Variants in SNX10 observed in about 807,000 individuals in gnomAD.
SNX10 encodes sorting nexin-10.
Under a neutral mutation model 28.5 loss-of-function variants are expected in SNX10, and 25 were observed. That is an observed-to-expected ratio of 0.88 (90% CI 0.64 to 1.22). SNX10 has a LOEUF of 1.22. Ranked by LOEUF, SNX10 falls within the 50% of genes most tolerant of loss-of-function variation. The pLI, the probability that SNX10 is intolerant of heterozygous loss-of-function variation, is 0.00. For synonymous variants in SNX10, 62 were observed against 81.4 expected, an observed-to-expected ratio of 0.76 and a Z score of 1.28; for missense variants, 223 against 242.6, an observed-to-expected ratio of 0.92 and a Z score of 0.54.
At chr7:26,371,793 A>G (rs762146080) in intron 5 of SNX10, 28 bp from the exon 6 acceptor site, 1 of 1,517,258 alleles carries the variant, frequency 6.6e-7, no homozygotes, top group South Asian at 1.2e-5. Context: ...CTGTTCACCA[A>G]TTATTTTTCC....
At chr7:26,301,605 G>A (rs1445425087) in intron 1 of SNX10, among the ~76,000 whole-genome samples, 1 of 152,126 alleles carries the variant, frequency 6.6e-6, no homozygotes, top group Non-Finnish European at 1.5e-5. Flanking sequence ...GGAACATTTT[G>A]TGTTTATTTG....
At chr7:26,300,741 C>T (rs999736517) in intron 1 of SNX10, among the ~76,000 whole-genome samples, 10 of 152,046 alleles carry the variant, frequency 6.6e-5, no homozygotes, top group South Asian at 2.1e-4. Flanking sequence ...AGAATTAGGC[C>T]GAGCACCGTG....
Position 26,308,711 on chromosome 7 carries a change from C to G in SNX10, c.-24+16625C>G, listed in dbSNP as rs561472427. Reference sequence around the variant, plus strand: ...GCCGCTCTAGCAAATTAATCAAACCCAAGGAGGAGGTCATGGGATCCCCAG... The same window carrying G: ...GCCGCTCTAGCAAATTAATCAAACCGAAGGAGGAGGTCATGGGATCCCCAG... On this transcript the variant is annotated intron_variant, in intron 1 of 6. Transcript: ENST00000338523. Among the ~76,000 whole-genome samples the G allele has an allele frequency of 5.3e-5, 8 of 152,202 alleles. No homozygotes were observed. The East Asian group carries it at 1.5e-3, about 29-fold the overall frequency.
intron 1 of SNX10, among the ~76,000 whole-genome samples, chr7:26,319,924 T>A (rs1167537417): frequency 1.3e-5 from 2 of 151,798 alleles, no homozygotes; most frequent in East Asian, 1.9e-4. Flanking sequence ...CTTTATTTTA[T>A]ATATCTATAT....
At position 26,358,021 on chromosome 7, in the gene SNX10, A is replaced by G. The variant is rs185227874; in HGVS notation, c.25-2954A>G. Among the ~76,000 whole-genome samples the G allele has an allele frequency of 5.3e-5, 8 of 152,294 alleles. No homozygotes were observed. In the East Asian group the frequency reaches 1.5e-3, roughly 29 times the overall value. ...GAATTGCAATAGTGTGCAAAGAACAACAGCCTGGGTTGGCTCTCAGGCACA... is the reference window on the plus strand; with the variant it reads ...GAATTGCAATAGTGTGCAAAGAACAGCAGCCTGGGTTGGCTCTCAGGCACA... On this transcript the variant is annotated intron_variant, in intron 2 of 6. Transcript: ENST00000338523.
In SNX10 at chr7:26,371,905, G is replaced by A. The variant is rs745352673; in HGVS notation, c.396G>A (p.Ala132=). 54 of 1,613,498 alleles carry A rather than the reference G, an allele frequency of 3.3e-5. No individual in the cohort carries two copies. Among genetic ancestry groups the A allele is most frequent in the Non-Finnish European group, 3.8e-5 (45 of 1,179,642 alleles). ...QSHLNSEDIE[A]CVSGQTKYSV... is the part of the protein sequence containing the mutation. ...ATCTGAATTCAGAAGACATTGAGGC[G>A]TGTGTTTCTGGGCAGACTAAGTACT... Residue 132 remains alanine, a synonymous_variant, in exon 6 of 7, where the codon GCG becomes GCA. Coordinates refer to ENST00000338523, the MANE Select transcript of SNX10 (RefSeq NM_013322.3).
chr7:26,359,454 C>T (rs1788977983), intron 2 of SNX10, among the ~76,000 whole-genome samples: 2 of 152,102 alleles, frequency 1.3e-5, no homozygotes. Context: ...CCCCAACAAG[C>T]AATAAGAAAT....
chr7:26,362,562 C>G (rs2128022834), intron 3 of SNX10, among the ~76,000 whole-genome samples: 1 of 152,296 alleles, frequency 6.6e-6, no homozygotes, highest in African/African-American at 2.4e-5. Context: ...ACAGCAAAAA[C>G]AAGCAAATAG....
chr7:26,312,596 CA>C (rs1406216477), intron 1 of SNX10, among the ~76,000 whole-genome samples: 12 of 152,176 alleles, frequency 7.9e-5, no homozygotes, highest in African/African-American at 2.9e-4. Context: ...CCAGCCTGGC[CA>C]ATATGGTGAA....
chr7:26,320,406 ATCT>A (rs149284458), intron 1 of SNX10, among the ~76,000 whole-genome samples: 5,453 of 151,586 alleles, frequency 0.036, 197 homozygotes, highest in East Asian at 0.21. Flanking sequence ...ATTTTCTGGA[ATCT>A]TCTTCTTTTT....
intron 1 of SNX10, among the ~76,000 whole-genome samples, chr7:26,330,488 G>T (rs1178535241): frequency 6.6e-6 from 1 of 152,144 alleles, no homozygotes; most frequent in Non-Finnish European, 1.5e-5. Context: ...AGAAGCCGGG[G>T]TGCAGCTAAG....
intron 1 of SNX10, among the ~76,000 whole-genome samples, chr7:26,319,221 A>T (rs968535103): frequency 8.5e-5 from 13 of 152,258 alleles, no homozygotes; most frequent in African/African-American, 2.9e-4. Context: ...TAGATATTGT[A>T]GCAGTATCTT....
chr7:26,299,207 T>A (rs1196164239), intron 1 of SNX10, among the ~76,000 whole-genome samples: 1 of 152,118 alleles, frequency 6.6e-6, no homozygotes, highest in Non-Finnish European at 1.5e-5. Flanking sequence ...AGCAATTTTT[T>A]TTTTTTGAGA....
chr7:26,304,952 A>G (rs1368594892), intron 1 of SNX10, among the ~76,000 whole-genome samples: 1 of 152,196 alleles, frequency 6.6e-6, no homozygotes, highest in Admixed American at 6.5e-5. Flanking sequence ...AGGGAAATCC[A>G]AAGCCCTGCC....
chr7:26,336,949 T>C (rs919021142), intron 1 of SNX10, among the ~76,000 whole-genome samples: 3 of 152,192 alleles, frequency 2.0e-5, no homozygotes, highest in African/African-American at 7.2e-5. Context: ...TTTTTTTAGA[T>C]TGAGTTCCCA....
intron 1 of SNX10, among the ~76,000 whole-genome samples, chr7:26,306,159 C>T (rs1348300706): frequency 6.6e-6 from 1 of 152,032 alleles, no homozygotes; most frequent in Non-Finnish European, 1.5e-5. Flanking sequence ...CCGCATTGGC[C>T]TCCCAAAGTG....
rs540961105 is a variant in SNX10, at chr7:26,328,430, C to T, written c.-23-17990C>T. ...AAGTTTGAGGTGTGTGCAGAATGTCCGCATGAAGAGACCGCTAGGAGGTGG... is the reference window on the plus strand; with the variant it reads ...AAGTTTGAGGTGTGTGCAGAATGTCTGCATGAAGAGACCGCTAGGAGGTGG... On this transcript the variant is annotated intron_variant, in intron 1 of 6. Transcript: ENST00000338523. Among the ~76,000 whole-genome samples, 9 of 152,260 alleles carry T rather than the reference C, an allele frequency of 5.9e-5. No homozygotes were observed. In the South Asian group the frequency reaches 1.9e-3, roughly 32 times the overall value.
chr7:26,364,445 G>T lies in SNX10; in HGVS notation c.112-90G>T. On this transcript the variant is annotated intron_variant, in intron 3 of 6. Transcript: ENST00000338523. This position sits in a 1 kb window ranked among gnomAD's most constrained non-coding sequence, Gnocchi z 4.9. ...TTTGGTGGTTTAAATCCTATTTAGA[G>T]TGAATGTTGAGATCATATTGTGAAT... The T allele has an allele frequency of 6.8e-7, 1 of 1,464,824 alleles. No homozygotes were observed. Among genetic ancestry groups the T allele is most frequent in the South Asian group, 1.5e-5 (1 of 67,192 alleles). The allele number at this position is 1,464,824 out of a possible 1,614,324, so 90.7% of individuals were successfully genotyped here.
intron 1 of SNX10, among the ~76,000 whole-genome samples, chr7:26,308,859 G>C (rs1786701409): frequency 6.6e-6 from 1 of 152,106 alleles, no homozygotes; most frequent in Admixed American, 6.6e-5. Flanking sequence ...TCCCCAGGTA[G>C]GTAGGGTCAG....
Sources: allele counts gnomAD v4.1 joint callset (sites outside exome capture counted in the v4.1 genomes callset), GRCh38; gene constraint gnomAD v4.1.1; non-coding constraint Gnocchi (gnomAD v3.1); transcripts MANE v1.5; gene names NCBI Gene and HGNC (gene_info 2026-07-23, HGNC 2026-07-21).